The following TLCD4 variants were observed in gnomAD, a reference collection of about 807,000 sequenced individuals.
TLCD4 encodes TLC domain-containing protein 4.
In TLCD4, 7 loss-of-function variants were observed where a neutral mutation model predicts 24.2. The ratio of observed to expected loss-of-function variants is 0.29; its 90% CI spans 0.16 to 0.54. TLCD4 has a LOEUF of 0.54. Ranked by LOEUF, TLCD4 falls within the 20% of genes least tolerant of loss-of-function variation. The pLI, the probability that TLCD4 is intolerant of heterozygous loss-of-function variation, is 0.95. For synonymous variants in TLCD4, 103 were observed against 106.4 expected, an observed-to-expected ratio of 0.97 and a Z score of 0.20; for missense variants, 259 against 313.9, an observed-to-expected ratio of 0.82 and a Z score of 1.32.
At chr1:95,145,421 T>C (rs1176579423) in intron 2 of TLCD4, among the ~76,000 whole-genome samples, 5 of 152,198 alleles carry the variant, frequency 3.3e-5, no homozygotes, top group Admixed American at 2.6e-4. Flanking sequence ...TTTTGTACTT[T>C]ACAGTGATGT....
At chr1:95,178,437 AT>A (rs914842864) in intron 6 of TLCD4, among the ~76,000 whole-genome samples, 1 of 146,908 alleles carries the variant, frequency 6.8e-6, no homozygotes, top group African/African-American at 2.5e-5. Flanking sequence ...TAATTTTTGT[AT>A]TTTTAATAGA....
At chr1:95,139,883 T>C (rs1485839024) in intron 1 of TLCD4, among the ~76,000 whole-genome samples, 1 of 152,224 alleles carries the variant, frequency 6.6e-6, no homozygotes, top group Non-Finnish European at 1.5e-5. Context: ...ATTATTATTT[T>C]ATTACTTTTT....
At chr1:95,102,099 A>G in the TLCD4 span, among the ~76,000 whole-genome samples, 1 of 152,230 alleles carries the variant, frequency 6.6e-6, no homozygotes. Flanking sequence ...AGAGGCATGA[A>G]GTTGCGGAGA....
chr1:95,166,049 G>A (rs1557691341), intron 5 of TLCD4, among the ~76,000 whole-genome samples: 1 of 152,182 alleles, frequency 6.6e-6, no homozygotes, highest in Non-Finnish European at 1.5e-5. Context: ...ATTCAATTAA[G>A]TTTTTTGGGT....
the TLCD4 span, among the ~76,000 whole-genome samples, chr1:95,101,622 G>GTTTTTTGT: frequency 6.6e-6 from 1 of 152,088 alleles, no homozygotes; most frequent in African/African-American, 2.4e-5. Flanking sequence ...GATTTACAAG[G>GTTTTTTGT]TTTTTTGTTT....
chr1:95,153,201 A>G (rs138650594), intron 5 of TLCD4, among the ~76,000 whole-genome samples: 79 of 152,128 alleles, frequency 5.2e-4, no homozygotes, highest in Admixed American at 1.6e-3. Flanking sequence ...GGGAATATGG[A>G]AAGTTCTGGA....
At chr1:95,151,191 A>G in intron 4 of TLCD4, 134 bp from the exon 5 acceptor site, 2 of 843,690 alleles carry the variant, frequency 2.4e-6, no homozygotes, top group Non-Finnish European at 3.8e-6. Flanking sequence ...TAATCAGACT[A>G]ACTGAGGGAT....
At chr1:95,138,717 C>T (rs1026666444) in intron 1 of TLCD4, among the ~76,000 whole-genome samples, 2 of 151,984 alleles carry the variant, frequency 1.3e-5, no homozygotes, top group African/African-American at 4.8e-5. Flanking sequence ...ATAGTATTTA[C>T]TGTACTGAAT....
chr1:95,143,993 CA>C lies in TLCD4; in HGVS notation c.93del (p.Ala32GlnfsTer22). On this transcript the variant is annotated frameshift_variant, in exon 2 of 7. Coordinates refer to ENST00000370203, the MANE Select transcript of TLCD4 (RefSeq NM_152487.3). LOFTEE classifies it high-confidence loss of function. ...LLFYFVSYWFSAKVSPGFNSL... is the reference protein window; with the variant it reads ...LLFYFVSYWFXAKVSPGFNSL... ...TTCTACTTTGTAAGTTACTGGTTTT[CA>C]GCAAAAGTTTCTCCAGGTTTCAATA... 1 of 1,573,930 alleles carries C rather than the reference CA, an allele frequency of 6.4e-7. No individual in the cohort carries two copies. The highest frequency in any genetic ancestry group is 8.6e-7 in the Non-Finnish European group (1 of 1,160,986).
At chr1:95,177,654 T>C (rs1451070384) in intron 6 of TLCD4, among the ~76,000 whole-genome samples, 1 of 152,144 alleles carries the variant, frequency 6.6e-6, no homozygotes, top group African/African-American at 2.4e-5. Context: ...TGTATGCAGT[T>C]CATATTATTT....
chr1:95,182,876 G>T (rs1042538791), intron 6 of TLCD4, among the ~76,000 whole-genome samples: 5 of 151,862 alleles, frequency 3.3e-5, no homozygotes, highest in African/African-American at 1.2e-4. Context: ...CTTCATTCAA[G>T]AAGAAAAGAA....
chr1:95,141,792 TACACACACACACACACACACACAC>T (rs3075917), intron 1 of TLCD4, among the ~76,000 whole-genome samples: 9 of 138,596 alleles, frequency 6.5e-5, no homozygotes, highest in African/African-American at 1.6e-4. Context: ...TTTTACCAAG[TACACACACACACACACACACACAC>T]ACACACACAC....
intron 5 of TLCD4, among the ~76,000 whole-genome samples, chr1:95,161,655 C>T (rs1677812915): frequency 6.6e-6 from 1 of 152,160 alleles, no homozygotes; most frequent in Admixed American, 6.5e-5. Flanking sequence ...ATAAATTTCC[C>T]TCTACACCCT....
At chr1:95,101,140 C>G in the TLCD4 span, among the ~76,000 whole-genome samples, 1 of 152,090 alleles carries the variant, frequency 6.6e-6, no homozygotes, top group Admixed American at 6.6e-5. Context: ...AACTTCTGAC[C>G]TCGTGATCCA....
intron 5 of TLCD4, among the ~76,000 whole-genome samples, chr1:95,153,836 T>A (rs1466255134): frequency 6.6e-6 from 1 of 152,090 alleles, no homozygotes; most frequent in Non-Finnish European, 1.5e-5. Flanking sequence ...CCTTGAAATG[T>A]CCCTGGAAAT....
At chr1:95,174,058 T>TA (rs1678330154) in intron 6 of TLCD4, 169 bp downstream of exon 6, 3 of 1,002,728 alleles carry the variant, frequency 3.0e-6, no homozygotes, top group Non-Finnish European at 4.3e-6. Context: ...AAGGTTAGAG[T>TA]AACTTACCCA....
intron 1 of TLCD4, among the ~76,000 whole-genome samples, chr1:95,137,556 C>G (rs56857575): frequency 6.6e-6 from 1 of 152,024 alleles, no homozygotes. Context: ...AGTGAGTGAT[C>G]GTGTTTTGGT....
intron 6 of TLCD4, among the ~76,000 whole-genome samples, chr1:95,175,905 A>G (rs1409122290): frequency 6.6e-6 from 1 of 151,546 alleles, no homozygotes; most frequent in African/African-American, 2.4e-5. Flanking sequence ...CTTTCTAAGT[A>G]GCTGGGGCTA....
upstream of TLCD4, among the ~76,000 whole-genome samples, chr1:95,115,310 G>A (rs547897602): frequency 3.3e-5 from 5 of 152,196 alleles, no homozygotes; most frequent in Non-Finnish European, 7.4e-5. Flanking sequence ...GTTTCTCCAT[G>A]TTGGTCAGGC....
Sources: gnomAD v4.1 joint callset for allele counts (sites outside exome capture counted in the v4.1 genomes callset) on GRCh38, gnomAD v4.1.1 for gene constraint, MANE v1.5 for transcripts, NCBI Gene and HGNC (gene_info 2026-07-23, HGNC 2026-07-21) for gene names.